Variants in SLC7A14 observed in about 807,000 individuals in gnomAD.
The protein encoded by SLC7A14 is solute carrier family 7 member 14, also known as gamma-aminobutyric acid transporter SLC7A14.
SLC7A14 carries 37 observed loss-of-function variants against 60.2 expected under a neutral mutation model. The observed-to-expected ratio is 0.61, with a 90% CI of 0.47 to 0.81. SLC7A14 has a LOEUF of 0.81. SLC7A14 is among the 30% of genes least tolerant of loss of function. The probability of loss-of-function intolerance (pLI) is 0.00; values close to 1 mark genes in which losing one functional copy is unlikely to be tolerated. For synonymous variants in SLC7A14, 399 were observed against 395.8 expected (o/e 1.01, Z -0.10); for missense variants, 886 against 982.7 (o/e 0.90, Z 1.32).
chr3:170,504,365 G>C lies in SLC7A14; in HGVS notation c.305-3020C>G, dbSNP rs190299045. ...AGATGGAGTTTCACTCTGTCGCCCA[G>C]GCTGGAGTGCAGTGGTGTGATCTTG... On this transcript the variant is annotated intron_variant, in intron 2 of 7. Coordinates refer to ENST00000231706, the MANE Select transcript of SLC7A14 (RefSeq NM_020949.3). Among the ~76,000 whole-genome samples, 782 of 151,906 alleles carry C rather than the reference G, an allele frequency of 5.1e-3. 30 individuals are homozygous for C. The highest frequency in any genetic ancestry group is 0.046 in the Admixed American group (700 of 15,266).
intron 1 of SLC7A14, among the ~76,000 whole-genome samples, chr3:170,551,161 A>G (rs577399127): frequency 3.9e-5 from 6 of 152,260 alleles, no homozygotes; most frequent in Non-Finnish European, 7.4e-5. Context: ...GGCCTTTTGT[A>G]TCTGGCTTCT....
chr3:170,487,743 C>T (rs534583614), intron 4 of SLC7A14, among the ~76,000 whole-genome samples: 1 of 152,330 alleles, frequency 6.6e-6, no homozygotes, highest in African/African-American at 2.4e-5. Flanking sequence ...TGTTTCAACC[C>T]TCTACTCTGG....
intron 1 of SLC7A14, among the ~76,000 whole-genome samples, chr3:170,541,467 A>C (rs1379070212): frequency 6.6e-6 from 1 of 152,118 alleles, no homozygotes; most frequent in East Asian, 1.9e-4. Flanking sequence ...GCATGGTGGC[A>C]CACCTGTAGT....
chr3:170,469,800 G>T (rs151229118), intron 7 of SLC7A14, among the ~76,000 whole-genome samples: 36 of 152,054 alleles, frequency 2.4e-4, no homozygotes, highest in African/African-American at 8.4e-4. Context: ...CTCTGACTTT[G>T]CTTATAGACG....
At chr3:170,569,605 C>T (rs1388012525) in intron 1 of SLC7A14, among the ~76,000 whole-genome samples, 3 of 152,102 alleles carry the variant, frequency 2.0e-5, no homozygotes, top group East Asian at 1.9e-4. Flanking sequence ...CCTCCTTGTA[C>T]CTCTGTAGAA....
At chr3:170,556,531 GT>G (rs1714489242) in intron 1 of SLC7A14, among the ~76,000 whole-genome samples, 1 of 152,212 alleles carries the variant, frequency 6.6e-6, no homozygotes, top group Middle Eastern at 3.4e-3. Context: ...TAATAGTAGG[GT>G]TTTTAATGGT....
At position 170,467,037 on chromosome 3, in the gene SLC7A14, C is replaced by T; in HGVS notation, c.*18G>A. 1 of 1,567,358 alleles carries T rather than the reference C, an allele frequency of 6.4e-7. No homozygotes were observed. Among genetic ancestry groups the T allele is most frequent in the Non-Finnish European group, 8.7e-7 (1 of 1,153,954 alleles). ...TGAAAATCAGTCATCACCATTTCTA[C>T]CCACTTGTGTGTTTCTCCTACTCTG... On this transcript the variant is annotated 3_prime_UTR_variant, in exon 8 of 8. Coordinates refer to ENST00000231706, the MANE Select transcript of SLC7A14 (RefSeq NM_020949.3).
chr3:170,503,685 T>G (rs1409118088), intron 2 of SLC7A14, among the ~76,000 whole-genome samples: 1 of 152,260 alleles, frequency 6.6e-6, no homozygotes, highest in East Asian at 1.9e-4. Context: ...TCGATTTGAT[T>G]GCAAATTTAA....
In SLC7A14 at chr3:170,501,145, A is replaced by G; in HGVS notation, c.505T>C (p.Trp169Arg). The G allele has an allele frequency of 1.2e-6, 2 of 1,614,258 alleles. No individual in the cohort carries two copies. Among genetic ancestry groups the G allele is most frequent in the Non-Finnish European group, 1.7e-6 (2 of 1,180,050 alleles). ...AGGGTTCCCACGCTGTCCGCCATCCAGCGGCTGATGGTGTGGTTGGCTAGT... is the reference window on the plus strand; with the variant it reads ...AGGGTTCCCACGCTGTCCGCCATCCGGCGGCTGATGGTGTGGTTGGCTAGT... ...DSLANHTISR[W>R]MADSVGTLNG... The change falls in exon 3 of 8, where the codon TGG (tryptophan) becomes CGG (arginine). Residue 169 changes from tryptophan (W) to arginine (R), a missense_variant. Transcript: ENST00000231706.
At chr3:170,474,931 G>A (rs1711566279) in intron 7 of SLC7A14, among the ~76,000 whole-genome samples, 1 of 152,154 alleles carries the variant, frequency 6.6e-6, no homozygotes, top group South Asian at 2.1e-4. Context: ...AAAACCCGCA[G>A]GGAACAGCAG....
At chr3:170,546,649 C>T (rs1221692757) in intron 1 of SLC7A14, among the ~76,000 whole-genome samples, 1 of 152,178 alleles carries the variant, frequency 6.6e-6, no homozygotes, top group Non-Finnish European at 1.5e-5. Flanking sequence ...TCCAAGCTGC[C>T]TCCTGGAGTA....
At chr3:170,557,538 G>C (rs1476156555) in intron 1 of SLC7A14, among the ~76,000 whole-genome samples, 1 of 152,170 alleles carries the variant, frequency 6.6e-6, no homozygotes, top group Non-Finnish European at 1.5e-5. Flanking sequence ...AAATATCTTT[G>C]AATTGGAAGA....
At chr3:170,529,090 A>G (rs1713597346) in intron 1 of SLC7A14, among the ~76,000 whole-genome samples, 2 of 152,206 alleles carry the variant, frequency 1.3e-5, no homozygotes, top group Non-Finnish European at 2.9e-5. Flanking sequence ...CTTGGCCTTT[A>G]TTATTTCTCT....
At chr3:170,467,648 A>G (rs1739757925) in intron 7 of SLC7A14, among the ~76,000 whole-genome samples, 1 of 152,158 alleles carries the variant, frequency 6.6e-6, no homozygotes, top group Admixed American at 6.5e-5. Flanking sequence ...ACATTTCTAC[A>G]TGGTGATTTT....
intron 1 of SLC7A14, among the ~76,000 whole-genome samples, chr3:170,573,242 C>A (rs1166589774): frequency 1.3e-5 from 2 of 152,174 alleles, no homozygotes; most frequent in Admixed American, 6.5e-5. Context: ...AACCCAACCA[C>A]TTGGATGGTT....
chr3:170,504,261 T>TC (rs1421735096), intron 2 of SLC7A14, among the ~76,000 whole-genome samples: 1 of 152,232 alleles, frequency 6.6e-6, no homozygotes, highest in African/African-American at 2.4e-5. Context: ...TTTAAGAGTA[T>TC]CTTTCTAATT....
At chr3:170,507,315 A>G (rs12490693) in intron 2 of SLC7A14, among the ~76,000 whole-genome samples, 38,616 of 152,080 alleles carry the variant, frequency 0.25, 5,231 homozygotes, top group African/African-American at 0.36. Context: ...CTGACCTTGA[A>G]GCATCTATAT....
chr3:170,493,936 T>C (rs922189679), intron 4 of SLC7A14, among the ~76,000 whole-genome samples: 6 of 152,196 alleles, frequency 3.9e-5, no homozygotes, highest in Non-Finnish European at 8.8e-5. Context: ...CAAGTTTCCT[T>C]TAGGGATAAT....
chr3:170,530,607 G>A (rs994090886), intron 1 of SLC7A14, among the ~76,000 whole-genome samples: 1 of 152,210 alleles, frequency 6.6e-6, no homozygotes, highest in Admixed American at 6.5e-5. Context: ...TTATTCAGGT[G>A]AGCAATATGA....
Sources: allele counts gnomAD v4.1 joint callset (sites outside exome capture counted in the v4.1 genomes callset), GRCh38; gene constraint gnomAD v4.1.1; transcripts MANE v1.5; gene names NCBI Gene and HGNC (gene_info 2026-07-23, HGNC 2026-07-21).